Variants in CNBD1 observed in about 807,000 individuals in gnomAD.
CNBD1 encodes the protein cyclic nucleotide-binding domain-containing protein 1.
In CNBD1, 71 loss-of-function variants were observed where a neutral mutation model predicts 54.4. The ratio of observed to expected loss-of-function variants is 1.30; its 90% CI spans 1.08 to 1.59. The LOEUF is 1.59. Among genes scored for constraint, CNBD1 ranks in the 40% most tolerant of loss-of-function variants. The pLI, the probability that CNBD1 is intolerant of heterozygous loss-of-function variation, is 0.00. For missense variants in CNBD1, 659 were observed against 518.0 expected, an observed-to-expected ratio of 1.27 and a Z score of -2.64; for synonymous variants, 182 against 170.7, an observed-to-expected ratio of 1.07 and a Z score of -0.51.
chr8:87,280,323 T>G lies in CNBD1; in HGVS notation c.772-4355T>G, dbSNP rs188534184. 6.4e-4 allele frequency among the ~76,000 whole-genome samples: 97 copies of G among 151,742 alleles called. 1 individual carries two copies. The highest frequency in any genetic ancestry group is 1.1e-3 in the Admixed American group (16 of 15,174). On this transcript the variant is annotated intron_variant, in intron 6 of 10. Transcript: ENST00000518476. Reference sequence around the variant, plus strand: ...AATCTGGAGCAGTGCTTATTACTCTTCTTTGGAGACTTAGACAACTTTGAG... The same window carrying G: ...AATCTGGAGCAGTGCTTATTACTCTGCTTTGGAGACTTAGACAACTTTGAG...
At chr8:87,330,684 G>T (rs1266889387) in intron 8 of CNBD1, among the ~76,000 whole-genome samples, 1 of 151,994 alleles carries the variant, frequency 6.6e-6, no homozygotes, top group Non-Finnish European at 1.5e-5. Context: ...ACATTTTTAA[G>T]GTTGGTTTTA....
intron 8 of CNBD1, among the ~76,000 whole-genome samples, chr8:87,316,238 G>A (rs981150508): frequency 4.6e-5 from 7 of 152,000 alleles, no homozygotes; most frequent in Admixed American, 6.6e-5. Flanking sequence ...TCTTACCAAC[G>A]AATAGTAAAA....
chr8:87,385,946 A>G (rs1811175205), downstream of CNBD1, among the ~76,000 whole-genome samples: 2 of 152,278 alleles, frequency 1.3e-5, no homozygotes, highest in Non-Finnish European at 2.9e-5. Context: ...AGGCAGCAAC[A>G]GTTGCTGTTC....
intron 4 of CNBD1, among the ~76,000 whole-genome samples, chr8:87,120,884 T>G (rs1430415996): frequency 1.3e-5 from 2 of 151,972 alleles, no homozygotes; most frequent in Non-Finnish European, 2.9e-5. Flanking sequence ...TTGTAGATAT[T>G]TTGTCAGGTT....
At chr8:86,949,437 T>C (rs1005782375) in intron 4 of CNBD1, among the ~76,000 whole-genome samples, 4 of 152,182 alleles carry the variant, frequency 2.6e-5, no homozygotes, top group African/African-American at 9.6e-5. Flanking sequence ...ATCAGTGTTA[T>C]ATAGTTTTCT....
At chr8:87,393,390 T>C (rs961643851) in intron 2 of CNBD1, among the ~76,000 whole-genome samples, 1 of 151,916 alleles carries the variant, frequency 6.6e-6, no homozygotes, top group African/African-American at 2.4e-5. Flanking sequence ...AATTCCTTAC[T>C]AAAGAAATAA....
At chr8:87,287,768 C>G (rs1319961417) in intron 8 of CNBD1, among the ~76,000 whole-genome samples, 1 of 152,020 alleles carries the variant, frequency 6.6e-6, no homozygotes, top group African/African-American at 2.4e-5. Flanking sequence ...AGCAGGGATA[C>G]TCTAATAAAC....
intron 1 of CNBD1, among the ~76,000 whole-genome samples, chr8:86,880,072 G>A (rs1260723206): frequency 6.6e-6 from 1 of 152,158 alleles, no homozygotes; most frequent in African/African-American, 2.4e-5. Flanking sequence ...TGTTGGGGAG[G>A]AAGAAGCTGA....
At chr8:87,037,250 A>G (rs766923216) in intron 4 of CNBD1, among the ~76,000 whole-genome samples, 5 of 152,150 alleles carry the variant, frequency 3.3e-5, no homozygotes, top group South Asian at 4.1e-4. Context: ...AAAAAACGGT[A>G]TTTATTCTGG....
chr8:86,960,836 G>C (rs1222120126), intron 4 of CNBD1, among the ~76,000 whole-genome samples: 2 of 152,192 alleles, frequency 1.3e-5, no homozygotes, highest in African/African-American at 2.4e-5. Context: ...AATATTTGCT[G>C]TTCTGCAGTC....
intron 5 of CNBD1, among the ~76,000 whole-genome samples, chr8:87,213,223 T>C (rs185432864): frequency 1.7e-4 from 26 of 151,066 alleles, no homozygotes; most frequent in Admixed American, 1.5e-3. Flanking sequence ...TGTAGAGAAG[T>C]TGGAACTCAT....
rs147769372 is a variant in CNBD1, at chr8:86,960,948, A to G, written c.431+21194A>G. ...CTGACTGTTAGAAGGAAAACTAACA[A>G]ACAGAACAATTTTCAAAAGCCAAAG... On this transcript the variant is annotated intron_variant, in intron 4 of 10. Coordinates refer to ENST00000518476, the MANE Select transcript of CNBD1 (RefSeq NM_173538.3). Among the ~76,000 whole-genome samples the G allele has an allele frequency of 6.5e-3, 997 of 152,286 alleles. 33 individuals are homozygous for G. Among genetic ancestry groups the G allele is most frequent in the Admixed American group, 0.047 (726 of 15,300 alleles).
chr8:87,116,341 A>G (rs1811768529), intron 4 of CNBD1, among the ~76,000 whole-genome samples: 1 of 151,472 alleles, frequency 6.6e-6, no homozygotes, highest in African/African-American at 2.4e-5. Flanking sequence ...AGCTGGGACT[A>G]CAGGCATGCA....
At chr8:87,097,361 A>G (rs988919560) in intron 4 of CNBD1, among the ~76,000 whole-genome samples, 10 of 152,208 alleles carry the variant, frequency 6.6e-5, no homozygotes, top group African/African-American at 2.4e-4. Context: ...AGTGTGCATG[A>G]GATCACGTGT....
chr8:87,206,052 C>T lies in CNBD1; in HGVS notation c.491C>T (p.Pro164Leu). The T allele has an allele frequency of 6.2e-7, 1 of 1,603,802 alleles. No individual in the cohort carries two copies. Among genetic ancestry groups the T allele is most frequent in the Non-Finnish European group, 8.5e-7 (1 of 1,175,188 alleles). ...GTGTGGAAGTTCCTGAAAACAATTC[C>T]AGATTTAACCTTTCAGCTAAATGAT... ...KTVWKFLKTI[P>L]DLTFQLNDKH... The change falls in exon 5 of 11, where the codon CCA becomes CTA. Residue 164 changes from proline to leucine, a missense_variant. Coordinates refer to ENST00000518476, the MANE Select transcript of CNBD1 (RefSeq NM_173538.3).
At chr8:87,348,192 A>G (rs1436932969) in intron 8 of CNBD1, among the ~76,000 whole-genome samples, 2 of 152,170 alleles carry the variant, frequency 1.3e-5, no homozygotes, top group Non-Finnish European at 2.9e-5. Context: ...TTGGAAATTA[A>G]TCAAAACTTC....
chr8:86,978,191 A>C (rs1259046437), intron 4 of CNBD1, among the ~76,000 whole-genome samples: 5 of 152,052 alleles, frequency 3.3e-5, no homozygotes, highest in Non-Finnish European at 7.4e-5. Flanking sequence ...TTAGTAAATA[A>C]TTTATAGGAA....
intron 4 of CNBD1, among the ~76,000 whole-genome samples, chr8:87,103,968 A>G (rs935116092): frequency 6.6e-6 from 1 of 152,174 alleles, no homozygotes; most frequent in Non-Finnish European, 1.5e-5. Context: ...GTGCAGTTTA[A>G]TTGCTGTGGG....
At chr8:87,418,362 A>G (rs577470845) in intron 2 of CNBD1, among the ~76,000 whole-genome samples, 1 of 152,066 alleles carries the variant, frequency 6.6e-6, no homozygotes, top group South Asian at 2.1e-4. Context: ...GTAAAAAATT[A>G]AATAAAATGC....
Sources: allele counts gnomAD v4.1 joint callset (sites outside exome capture counted in the v4.1 genomes callset), GRCh38; gene constraint gnomAD v4.1.1; transcripts MANE v1.5; gene names NCBI Gene and HGNC (gene_info 2026-07-23, HGNC 2026-07-21).